SLC22A2: variants seen among roughly 807,000 people sequenced by gnomAD.
SLC22A2 encodes solute carrier family 22 member 2.
In SLC22A2, 46 loss-of-function variants were observed where a neutral mutation model predicts 60.5. That is an observed-to-expected ratio of 0.76 (90% CI 0.60 to 0.97). The LOEUF is 0.97. SLC22A2 is among the 50% of genes least tolerant of loss of function. The pLI is 0.00. For missense variants in SLC22A2, 701 were observed against 706.6 expected (o/e 0.99, Z 0.09); for synonymous variants, 303 against 267.0 (o/e 1.13, Z -1.31).
In SLC22A2 at chr6:160,258,671, G is replaced by C. The variant is rs747859662; in HGVS notation, c.87C>G (p.Leu29=). ...CGTAGATGGGCGCGAAGGTAGCCGA[G>C]AGCAGAGCCAAGAGGAAAAACATTT... ...QKQMFFLLAL[L]SATFAPIYVG... Residue 29 remains leucine, a synonymous_variant, in exon 1 of 11, where the codon CTC becomes CTG. Coordinates refer to ENST00000366953, the MANE Select transcript of SLC22A2 (RefSeq NM_003058.4). 2 of 1,612,720 alleles carry C rather than the reference G, an allele frequency of 1.2e-6. No individual in the cohort carries two copies. The highest frequency in any genetic ancestry group is 1.3e-5 in the African/African-American group (1 of 74,886).
rs535936728 is a variant in SLC22A2 at position 160,231,378 on chromosome 6, C to A, written c.1502-6574G>T. On this transcript the variant is annotated intron_variant, in intron 9 of 10. Coordinates refer to ENST00000366953, the MANE Select transcript of SLC22A2 (RefSeq NM_003058.4). ...TGCGTCTTCCTCTTGTATCCCCCAA[C>A]CTTAACCCACAAATATGGAATACCT... Among the ~76,000 whole-genome samples, 166 of 151,838 alleles carry A rather than the reference C, an allele frequency of 1.1e-3. 5 individuals carry two copies. In the South Asian group the frequency reaches 0.017, roughly 16 times the overall value.
In SLC22A2 at chr6:160,249,227, C is replaced by A. The variant is rs1554261190; in HGVS notation, c.831G>T (p.Leu277Phe). 5.0e-6 allele frequency: 8 copies of A among 1,595,766 alleles called. No individual in the cohort carries two copies. Among genetic ancestry groups the A allele is most frequent in the Non-Finnish European group, 4.3e-6 (5 of 1,171,366 alleles). Reference sequence around the variant, plus strand: ...CCAAATGGACTTACCAGTAATAGAGCAAGAAGAAGAAGTTGGGCAGAGAAA... The same window carrying A: ...CCAAATGGACTTACCAGTAATAGAGAAAGAAGAAGAAGTTGGGCAGAGAAA... ...FTVSLPNFFF[L>F]LYYWCIPESP... is the part of the protein sequence containing the mutation. The change falls in exon 4 of 11, where the codon TTG becomes TTT. Residue 277 changes from leucine (L) to phenylalanine (F), a missense_variant. Physicochemically the swap from Leu to Phe is conservative, Grantham distance 22 (BLOSUM62 0). Transcript: ENST00000366953.
intron 9 of SLC22A2, among the ~76,000 whole-genome samples, chr6:160,240,860 T>C (rs1454054813): frequency 6.6e-6 from 1 of 152,174 alleles, no homozygotes; most frequent in Non-Finnish European, 1.5e-5. Flanking sequence ...GAAGGCTCAG[T>C]GCTGGTGTGT....
In SLC22A2 at chr6:160,258,523, C is replaced by G. The variant is rs1410111608; in HGVS notation, c.235G>C (p.Gly79Arg). ...CTTGGGGAGGCTTCGCCCGCAGGTC[C>G]TGGGCCCGGCACCGTGTAGTTCAGT... is the stretch of plus-strand genomic sequence containing the variant. ...EELNYTVPGP[G>R]PAGEASPRQC... Residue 79 changes from glycine to arginine, a missense_variant, in exon 1 of 11, where the codon GGA (glycine) becomes CGA (arginine). Gly to Arg is a moderately radical substitution (Grantham distance 125, BLOSUM62 -2). Coordinates refer to ENST00000366953, the MANE Select transcript of SLC22A2 (RefSeq NM_003058.4). 6.2e-7 allele frequency: 1 copy of G among 1,614,028 alleles called. No homozygotes were observed. Among genetic ancestry groups the G allele is most frequent in the Non-Finnish European group, 8.5e-7 (1 of 1,180,016 alleles).
intron 10 of SLC22A2, among the ~76,000 whole-genome samples, chr6:160,223,995 G>A (rs953088149): frequency 3.9e-5 from 6 of 152,174 alleles, no homozygotes; most frequent in African/African-American, 1.4e-4. Flanking sequence ...ATCCCAAAGT[G>A]CTGGGATTAG....
intron 5 of SLC22A2, among the ~76,000 whole-genome samples, chr6:160,246,336 C>G (rs1221071911): frequency 6.6e-6 from 1 of 152,130 alleles, no homozygotes; most frequent in African/African-American, 2.4e-5. Flanking sequence ...CTTTTCTACC[C>G]GCTGTGGAAT....
chr6:160,230,596 G>A (rs947786324), intron 9 of SLC22A2, among the ~76,000 whole-genome samples: 1 of 151,982 alleles, frequency 6.6e-6, no homozygotes, highest in Admixed American at 6.5e-5. Context: ...CCTTCAAGGT[G>A]TACAATAATA....
chr6:160,250,466 TCTTGCATGCCGCCCCCCAC>T (rs1244251698), intron 3 of SLC22A2, 63 bp downstream of exon 3: 2 of 1,360,792 alleles, frequency 1.5e-6, no homozygotes, highest in South Asian at 2.3e-5. Context: ...GGGTCCCTTT[TCTTGCATGCCGCCCCCCAC>T]CTGACTCTAT....
chr6:160,254,728 C>G (rs554525606), intron 2 of SLC22A2, among the ~76,000 whole-genome samples: 1 of 151,658 alleles, frequency 6.6e-6, no homozygotes, highest in Non-Finnish European at 1.5e-5. Flanking sequence ...ATGGAGACAG[C>G]CTTTGGGGGA....
intron 9 of SLC22A2, 91 bp from the exon 10 acceptor site, chr6:160,224,895 T>TC (rs1782699482): frequency 1.5e-6 from 1 of 665,692 alleles, no homozygotes. Flanking sequence ...AAAACTTTTT[T>TC]TTAGCATTTT....
At chr6:160,218,641 A>C (rs1267756845) in intron 10 of SLC22A2, among the ~76,000 whole-genome samples, 1 of 104,914 alleles carries the variant, frequency 9.5e-6, no homozygotes, top group Non-Finnish European at 1.9e-5. Context: ...CACGAGCAAC[A>C]GCAGCAGCAA....
intron 2 of SLC22A2, among the ~76,000 whole-genome samples, chr6:160,254,975 T>C (rs946699917): frequency 4.6e-5 from 7 of 151,928 alleles, no homozygotes; most frequent in Non-Finnish European, 1.0e-4. Context: ...TGTCAGGGAG[T>C]GAGTGTTAGC....
At chr6:160,250,743 T>G in intron 2 of SLC22A2, 41 bp from the exon 3 acceptor site, 1 of 1,598,842 alleles carries the variant, frequency 6.3e-7, no homozygotes, top group South Asian at 1.1e-5. Context: ...GAATTAATTT[T>G]GATTTGTGAA....
chr6:160,257,418 A>G (rs1398834590), intron 1 of SLC22A2, among the ~76,000 whole-genome samples: 1 of 152,108 alleles, frequency 6.6e-6, no homozygotes, highest in African/African-American at 2.4e-5. Flanking sequence ...AACCCTGCTA[A>G]GTTATTCACT....
At chr6:160,247,617 G>C (rs1293001015) in intron 4 of SLC22A2, among the ~76,000 whole-genome samples, 2 of 152,192 alleles carry the variant, frequency 1.3e-5, no homozygotes, top group Admixed American at 6.5e-5. Flanking sequence ...GAGGGGTCAA[G>C]GACTGGATGC....
chr6:160,229,535 T>C (rs1039281239), intron 9 of SLC22A2, among the ~76,000 whole-genome samples: 3 of 151,938 alleles, frequency 2.0e-5, no homozygotes, highest in Admixed American at 1.3e-4. Context: ...CTCACCCACA[T>C]TGCAGCCCAG....
chr6:160,241,377 T>C, intron 9 of SLC22A2, 97 bp downstream of exon 9: 1 of 739,874 alleles, frequency 1.4e-6, no homozygotes, highest in Non-Finnish European at 2.4e-6. Context: ...TAGTAGTTAC[T>C]AATAGGCATG....
chr6:160,254,114 C>T (rs967728216), intron 2 of SLC22A2, among the ~76,000 whole-genome samples: 2 of 152,022 alleles, frequency 1.3e-5, no homozygotes, highest in Non-Finnish European at 2.9e-5. Flanking sequence ...CCTGTCTCTA[C>T]TAAAAATACA....
At chr6:160,241,983 C>T (rs1783011865) in intron 8 of SLC22A2, among the ~76,000 whole-genome samples, 1 of 151,414 alleles carries the variant, frequency 6.6e-6, no homozygotes, top group South Asian at 2.1e-4. Context: ...TTTCTTTTTA[C>T]TTCCATCACC....
Sources: gnomAD v4.1 joint callset for allele counts (sites outside exome capture counted in the v4.1 genomes callset) on GRCh38, gnomAD v4.1.1 for gene constraint, MANE v1.5 for transcripts, NCBI Gene and HGNC (gene_info 2026-07-23, HGNC 2026-07-21) for gene names.